The following SLC9A9 variants were observed in gnomAD, a reference collection of about 807,000 sequenced individuals.
SLC9A9 encodes solute carrier family 9 member A9.
Under a neutral mutation model 77.8 loss-of-function variants are expected in SLC9A9, and 62 were observed. The ratio of observed to expected loss-of-function variants is 0.80; its 90% CI spans 0.65 to 0.98. The LOEUF (loss-of-function observed/expected upper bound fraction) is 0.98, where lower values mean the gene tolerates loss of function less well. SLC9A9 is among the 50% of genes least tolerant of loss of function. The pLI is 0.00. For missense variants in SLC9A9, 775 were observed against 774.9 expected, an observed-to-expected ratio of 1.00 and a Z score of 0.00; for synonymous variants, 320 against 283.5, an observed-to-expected ratio of 1.13 and a Z score of -1.29.
In SLC9A9 at chr3:143,517,416, G is replaced by A. The variant is rs142108184; in HGVS notation, c.1090-21968C>T. On this transcript the variant is annotated intron_variant, in intron 9 of 15. Transcript: ENST00000316549. ...GAGCCATACTGTGCTCCTGACTGTC[G>A]TCTGGCTTCTTCCTCCCTCTGGGCT... The A allele has an allele frequency of 2.6e-4, 411 of 1,566,200 alleles. 1 individual carries two copies. The highest frequency in any genetic ancestry group is 2.6e-3 in the African/African-American group (195 of 74,358).
chr3:143,453,048 C>T (rs563928020), intron 12 of SLC9A9, among the ~76,000 whole-genome samples: 1 of 152,044 alleles, frequency 6.6e-6, no homozygotes, highest in Non-Finnish European at 1.5e-5. Flanking sequence ...GCGAAGTGAG[C>T]AATTTATTAA....
chr3:143,624,275 A>G (rs1369714867), intron 6 of SLC9A9, among the ~76,000 whole-genome samples: 1 of 152,224 alleles, frequency 6.6e-6, no homozygotes, highest in Admixed American at 6.5e-5. Flanking sequence ...TGAGGCCAGC[A>G]TCACCCTGAT....
intron 9 of SLC9A9, among the ~76,000 whole-genome samples, chr3:143,528,632 A>C (rs546561124): frequency 6.6e-6 from 1 of 152,292 alleles, no homozygotes; most frequent in Non-Finnish European, 1.5e-5. Flanking sequence ...AGCACCATGA[A>C]AACAGCTGAA....
At chr3:143,843,136 A>C (rs17664377) in intron 1 of SLC9A9, among the ~76,000 whole-genome samples, 1,970 of 152,294 alleles carry the variant, frequency 0.013, 16 homozygotes, top group Non-Finnish European at 0.02. Context: ...CAGTGGAATA[A>C]GTAGAGCCTT....
chr3:143,285,101 AT>A (rs1213356959), intron 14 of SLC9A9, among the ~76,000 whole-genome samples: 4 of 152,128 alleles, frequency 2.6e-5, no homozygotes, highest in African/African-American at 9.7e-5. Context: ...ACTATACTAT[AT>A]ATTTTTAAAT....
intron 4 of SLC9A9, among the ~76,000 whole-genome samples, chr3:143,709,445 G>T (rs1219437468): frequency 1.3e-5 from 2 of 152,150 alleles, no homozygotes; most frequent in African/African-American, 2.4e-5. Context: ...TTTCTAATAA[G>T]GTTCCAGGTG....
chr3:143,365,839 CAT>C (rs1170829827), intron 13 of SLC9A9, among the ~76,000 whole-genome samples: 1 of 152,186 alleles, frequency 6.6e-6, no homozygotes, highest in Non-Finnish European at 1.5e-5. Context: ...TTGTCAACAG[CAT>C]ATTGGGGTTC....
rs372864574 is a variant in SLC9A9 at position 143,472,348 on chromosome 3, G to A, written c.1316-5158C>T. ...CATGAGGGCCCAAATCGTGAGCATC[G>A]TCATGAACTGATGTGCAGCATTTAA... On this transcript the variant is annotated intron_variant, in intron 11 of 15. Coordinates refer to ENST00000316549, the MANE Select transcript of SLC9A9 (RefSeq NM_173653.4). Among the ~76,000 whole-genome samples the A allele has an allele frequency of 1.1e-4, 17 of 152,272 alleles. No homozygotes were observed. The East Asian group carries it at 2.3e-3, about 21-fold the overall frequency.
At chr3:143,608,695 A>C (rs2037967926) in intron 6 of SLC9A9, among the ~76,000 whole-genome samples, 1 of 152,196 alleles carries the variant, frequency 6.6e-6, no homozygotes, top group African/African-American at 2.4e-5. Context: ...AAATATAGAA[A>C]TCTGTTATAT....
intron 12 of SLC9A9, among the ~76,000 whole-genome samples, chr3:143,392,299 C>T (rs943804646): frequency 5.9e-5 from 9 of 152,216 alleles, no homozygotes; most frequent in Non-Finnish European, 1.0e-4. Flanking sequence ...CAATATTCAA[C>T]ATTCTTAAAG....
At chr3:143,271,168 A>C (rs770643321) in intron 14 of SLC9A9, among the ~76,000 whole-genome samples, 2 of 152,238 alleles carry the variant, frequency 1.3e-5, no homozygotes, top group Non-Finnish European at 2.9e-5. Context: ...TCAGGCATCC[A>C]TGGGGGTCAG....
intron 5 of SLC9A9, among the ~76,000 whole-genome samples, chr3:143,659,629 A>G (rs2038949288): frequency 6.6e-6 from 1 of 152,214 alleles, no homozygotes; most frequent in African/African-American, 2.4e-5. Flanking sequence ...ACAGGGAAGA[A>G]AAAAAGATGG....
chr3:143,389,908 T>A lies in SLC9A9; in HGVS notation c.1470-7794A>T, dbSNP rs887451483. 1.8e-4 allele frequency among the ~76,000 whole-genome samples: 27 copies of A among 152,102 alleles called. 1 individual carries two copies. The highest frequency in any genetic ancestry group is 8.8e-5 in the Non-Finnish European group (6 of 68,010). On this transcript the variant is annotated intron_variant, in intron 12 of 15. Transcript: ENST00000316549. ...AGGGGGGTTCTATAATTTGGGGACA[T>A]GAAGTATGTAATATGATTGTAAGCC...
At chr3:143,637,130 T>A (rs531973237) in intron 6 of SLC9A9, among the ~76,000 whole-genome samples, 73 of 152,294 alleles carry the variant, frequency 4.8e-4, no homozygotes, top group African/African-American at 1.7e-3. Context: ...ATGGATCTTA[T>A]CCAAAATGAA....
At position 143,511,302 on chromosome 3, in the gene SLC9A9, C is replaced by T. The variant is rs184275164; in HGVS notation, c.1090-15854G>A. Among the ~76,000 whole-genome samples the T allele has an allele frequency of 2.4e-3, 372 of 152,306 alleles. 2 individuals carry two copies. The highest frequency in any genetic ancestry group is 4.1e-3 in the Non-Finnish European group (276 of 68,032). Reference sequence around the variant, plus strand: ...CTATGGCCATCCTTTCCCTTGCCCCCACGACCTTTAAGACAACCTTGGCCT... The same window carrying T: ...CTATGGCCATCCTTTCCCTTGCCCCTACGACCTTTAAGACAACCTTGGCCT... On this transcript the variant is annotated intron_variant, in intron 9 of 15. Transcript: ENST00000316549.
At chr3:143,627,543 G>T in intron 6 of SLC9A9, 1 of 303,628 alleles carries the variant, frequency 3.3e-6, no homozygotes, top group Admixed American at 3.6e-5. Context: ...ACTCGCAGCA[G>T]AAGGAGTGGA....
At chr3:143,652,435 CA>C in intron 5 of SLC9A9, 75 bp from the exon 6 acceptor site, 1 of 1,051,526 alleles carries the variant, frequency 9.5e-7, no homozygotes, top group Non-Finnish European at 1.5e-6. Flanking sequence ...GGTCACCACT[CA>C]AAAACATTAA....
chr3:143,433,204 A>G (rs2034556984), intron 12 of SLC9A9, among the ~76,000 whole-genome samples: 1 of 152,220 alleles, frequency 6.6e-6, no homozygotes, highest in Admixed American at 6.5e-5. Context: ...AGTTCATGTA[A>G]CAAAGTTTTC....
At chr3:143,640,595 T>C (rs1193466992) in intron 6 of SLC9A9, among the ~76,000 whole-genome samples, 1 of 151,180 alleles carries the variant, frequency 6.6e-6, no homozygotes, top group African/African-American at 2.4e-5. Flanking sequence ...GCATGGTGGC[T>C]CACAACTGTA....
Sources: allele counts gnomAD v4.1 joint callset (sites outside exome capture counted in the v4.1 genomes callset), GRCh38; gene constraint gnomAD v4.1.1; transcripts MANE v1.5; gene names NCBI Gene and HGNC (gene_info 2026-07-23, HGNC 2026-07-21).